The following LTF variants were observed in gnomAD, a reference collection of about 807,000 sequenced individuals.
LTF encodes the protein epididymis luminal protein 110.
Under a neutral mutation model 87.2 loss-of-function variants are expected in LTF, and 91 were observed. That is an observed-to-expected ratio of 1.04 (90% CI 0.88 to 1.24). LTF has a LOEUF of 1.24. Ranked by LOEUF, LTF falls within the 50% of genes most tolerant of loss-of-function variation. LTF has a pLI of 0.00. For missense variants in LTF, 901 were observed against 904.3 expected (o/e 1.00, Z 0.05); for synonymous variants, 378 against 356.1 (o/e 1.06, Z -0.69).
chr3:46,472,514 G>GTGTGTGTGTA, intron 1 of LTF, among the ~76,000 whole-genome samples: 2 of 150,448 alleles, frequency 1.3e-5, no homozygotes, highest in South Asian at 4.3e-4. Context: ...GTGTGTGTGT[G>GTGTGTGTGTA]TGTGTGTGTG....
At chr3:46,448,712 T>C in intron 9 of LTF, 151 bp downstream of exon 9, 1 of 824,142 alleles carries the variant, frequency 1.2e-6, no homozygotes, top group Non-Finnish European at 1.8e-6. Context: ...GAAACTAAAA[T>C]GCTTTCTGGC....
chr3:46,482,939 G>C (rs1410403042), intron 1 of LTF, among the ~76,000 whole-genome samples: 1 of 152,200 alleles, frequency 6.6e-6, no homozygotes, highest in East Asian at 1.9e-4. Flanking sequence ...ACTTTCTTAA[G>C]TCTAACTTTG....
At position 46,455,359 on chromosome 3, in the gene LTF, T is replaced by C; in HGVS notation, c.583A>G (p.Thr195Ala). ...GAGAAGGCACATTTGTTTTCCCCTG[T>C]CCCCGCACACAGGCGACACAGGTTG... ...FPNLCRLCAG[T>A]GENKCAFSSQ... Residue 195 changes from threonine to alanine, a missense_variant, in exon 5 of 17, where the codon ACA (threonine) becomes GCA (alanine). By Grantham distance (58) the Thr-to-Ala change is moderately conservative. Transcript: ENST00000231751. 6.2e-7 allele frequency: 1 copy of C among 1,614,156 alleles called. No individual in the cohort carries two copies.
At chr3:46,443,148 A>G (rs1276205188) in intron 13 of LTF, among the ~76,000 whole-genome samples, 4 of 152,154 alleles carry the variant, frequency 2.6e-5, no homozygotes, top group African/African-American at 9.7e-5. Context: ...ACCACACTCT[A>G]CCCATTTGAT....
intron 1 of LTF, among the ~76,000 whole-genome samples, chr3:46,461,915 T>C (rs1703090770): frequency 6.6e-6 from 1 of 152,226 alleles, no homozygotes; most frequent in Non-Finnish European, 1.5e-5. Flanking sequence ...CAGCCTCTGC[T>C]GTCTCCTGTT....
rs1169421561 is a variant in LTF at position 46,455,969 on chromosome 3, G to A, written c.326C>T (p.Thr109Ile). 6.3e-7 allele frequency: 1 copy of A among 1,582,998 alleles called. No individual in the cohort carries two copies. The change falls in exon 4 of 17, where the codon ACT (threonine) becomes ATT (isoleucine). Residue 109 changes from threonine (T) to isoleucine (I), a missense_variant. Physicochemically the swap from Thr to Ile is moderately conservative, Grantham distance 89. Coordinates refer to ENST00000231751, the MANE Select transcript of LTF (RefSeq NM_002343.6). ...EVYGTERQPRTHYYAVAVVKK... is the reference protein window; with the variant it reads ...EVYGTERQPRIHYYAVAVVKK... ...CACCACAGCCACGGCATAATAGTGA[G>A]TTCGTGGCTCTGCAAAGGGGCAGAC...
intron 1 of LTF, among the ~76,000 whole-genome samples, chr3:46,472,521 T>TGAGA (rs1159615819): frequency 1.3e-5 from 2 of 148,384 alleles, no homozygotes; most frequent in African/African-American, 5.1e-5. Context: ...TGTGTGTGTG[T>TGAGA]GTGTGTGAGA....
chr3:46,478,187 T>TC (rs1378754543), intron 1 of LTF, among the ~76,000 whole-genome samples: 4 of 152,310 alleles, frequency 2.6e-5, no homozygotes, highest in African/African-American at 9.6e-5. Flanking sequence ...CATCATGCCC[T>TC]CTTCCCGCCC....
chr3:46,454,375 A>G lies in LTF; in HGVS notation c.648-15T>C. ...CTCTCAGACACCTGTGAAAAGAGAA[A>G]CCATCAGGGGTAAGCACAGGCAGCC... On this transcript the variant is annotated splice_polypyrimidine_tract_variant and intron_variant, in intron 5 of 16. Transcript: ENST00000231751. 4 of 1,613,368 alleles carry G rather than the reference A, an allele frequency of 2.5e-6. No homozygotes were observed. Among genetic ancestry groups the G allele is most frequent in the Non-Finnish European group, 3.4e-6 (4 of 1,179,322 alleles).
At chr3:46,443,840 G>A (rs776926914) in intron 12 of LTF, among the ~76,000 whole-genome samples, 6 of 152,266 alleles carry the variant, frequency 3.9e-5, no homozygotes, top group Admixed American at 2.6e-4. Flanking sequence ...GGAGGGTCCC[G>A]TCATCACAGC....
At chr3:46,468,082 C>T (rs1168771996), upstream of LTF, among the ~76,000 whole-genome samples, 2 of 152,196 alleles carry the variant, frequency 1.3e-5, no homozygotes, top group Non-Finnish European at 2.9e-5. Flanking sequence ...ATGTTATAGG[C>T]ACTTGATGAT....
At chr3:46,450,177 C>T (rs1339018402) in intron 7 of LTF, 149 bp from the exon 8 acceptor site, 1 of 697,464 alleles carries the variant, frequency 1.4e-6, no homozygotes, top group Non-Finnish European at 2.4e-6. Context: ...GGACTTGTGC[C>T]ATCTCGGAGA....
intron 15 of LTF, 33 bp from the exon 16 acceptor site, chr3:46,438,162 G>A (rs770174328): frequency 6.3e-7 from 1 of 1,575,612 alleles, no homozygotes; most frequent in South Asian, 1.1e-5. Context: ...GAGTAGCTAA[G>A]GAAAAGAGGA....
chr3:46,443,481 T>C lies in LTF; in HGVS notation c.1615A>G (p.Asn539Asp). 6.2e-7 allele frequency: 1 copy of C among 1,614,186 alleles called. No homozygotes were observed. Among genetic ancestry groups the C allele is most frequent in the South Asian group, 1.1e-5 (1 of 91,090 alleles). ...DEQGENKCVP[N>D]SNERYYGYTG... ...TAGCCGTAGTATCTCTCGTTGCTGT[T>C]GGGCACGCACTTATTCTCACCCTGC... The change falls in exon 13 of 17, where the codon AAC becomes GAC. Residue 539 changes from asparagine to aspartate, a missense_variant. Coordinates refer to ENST00000231751, the MANE Select transcript of LTF (RefSeq NM_002343.6).
intron 1 of LTF, among the ~76,000 whole-genome samples, chr3:46,481,501 G>A (rs1261919123): frequency 6.6e-6 from 1 of 152,074 alleles, no homozygotes; most frequent in African/African-American, 2.4e-5. Flanking sequence ...CAGAGCCCAG[G>A]CCCCAGCTCA....
Position 46,443,544 on chromosome 3 carries a change from G to C in LTF, c.1552C>G (p.Pro518Ala). 1 of 1,614,096 alleles carries C rather than the reference G, an allele frequency of 6.2e-7. No individual in the cohort carries two copies. Among genetic ancestry groups the C allele is most frequent in the South Asian group, 1.1e-5 (1 of 91,086 alleles). ...CACAGAGCACAGAGATTAGATCTCG[G>C]GTCAGACCCAGGGGCACAGCTTTGA... is the stretch of plus-strand genomic sequence containing the variant. ...FSQSCAPGSD[P>A]RSNLCALCIG... is the part of the protein sequence containing the mutation. The change falls in exon 13 of 17, where the codon CCG becomes GCG. Residue 518 changes from proline to alanine, a missense_variant. Pro to Ala is a conservative substitution (Grantham distance 27). Transcript: ENST00000231751.
At chr3:46,481,230 G>T (rs1448605935) in intron 1 of LTF, among the ~76,000 whole-genome samples, 2 of 152,190 alleles carry the variant, frequency 1.3e-5, no homozygotes, top group Non-Finnish European at 2.9e-5. Context: ...GTTAGCAACT[G>T]CTTATGGAAT....
chr3:46,446,213 C>T (rs1702650163), intron 11 of LTF, among the ~76,000 whole-genome samples: 1 of 152,184 alleles, frequency 6.6e-6, no homozygotes, highest in South Asian at 2.1e-4. Context: ...ATGACCATGA[C>T]AAAATGAGGG....
chr3:46,443,489 C>A lies in LTF; in HGVS notation c.1607G>T (p.Cys536Phe), dbSNP rs745409557. The change falls in exon 13 of 17, where the codon TGC (cysteine) becomes TTC (phenylalanine). Residue 536 changes from cysteine to phenylalanine, a missense_variant. Cys to Phe is a radical substitution (Grantham distance 205). Transcript: ENST00000231751. ...GTATCTCTCGTTGCTGTTGGGCACG[C>A]ACTTATTCTCACCCTGCTCGTCGCC... The part of the protein sequence containing the change: ...CIGDEQGENK[C>F]VPNSNERYYG... The A allele has an allele frequency of 7.4e-6, 12 of 1,614,218 alleles. No homozygotes were observed. The highest frequency in any genetic ancestry group is 1.1e-5 in the South Asian group (1 of 91,086).
Sources: gnomAD v4.1 joint callset for allele counts (sites outside exome capture counted in the v4.1 genomes callset) on GRCh38, gnomAD v4.1.1 for gene constraint, MANE v1.5 for transcripts, NCBI Gene and HGNC (gene_info 2026-07-23, HGNC 2026-07-21) for gene names.